Variants in GLI3 observed in about 807,000 individuals in gnomAD.
GLI3 encodes the protein GLI family zinc finger 3.
Under a neutral mutation model 100.8 loss-of-function variants are expected in GLI3, and 20 were observed. That is an observed-to-expected ratio of 0.20 (90% CI 0.14 to 0.29). The LOEUF is 0.29. Among genes scored for constraint, GLI3 ranks in the 10% least tolerant of loss-of-function variants. The pLI is 1.00. For missense variants in GLI3, 2,040 were observed against 2,128.5 expected, an observed-to-expected ratio of 0.96 and a Z score of 0.82; for synonymous variants, 938 against 860.5, an observed-to-expected ratio of 1.09 and a Z score of -1.58.
chr7:42,088,987 C>T (rs1360120398), intron 3 of GLI3, among the ~76,000 whole-genome samples: 1 of 152,188 alleles, frequency 6.6e-6, no homozygotes, highest in Non-Finnish European at 1.5e-5. Flanking sequence ...ATGTGATCTC[C>T]ATCTGAGTCC....
intron 4 of GLI3, among the ~76,000 whole-genome samples, chr7:42,053,298 A>AC (rs1186619859): frequency 1.3e-5 from 2 of 152,134 alleles, no homozygotes; most frequent in African/African-American, 4.8e-5. Flanking sequence ...CTCCCGGCCC[A>AC]ATTATTGTGT....
chr7:42,175,442 A>C (rs1787459795), intron 2 of GLI3, among the ~76,000 whole-genome samples: 3 of 152,012 alleles, frequency 2.0e-5, no homozygotes, highest in African/African-American at 7.2e-5. Flanking sequence ...ATATGGCAAA[A>C]CCCTGTCTCG....
At chr7:42,073,988 G>A (rs1488794136) in intron 4 of GLI3, among the ~76,000 whole-genome samples, 4 of 152,104 alleles carry the variant, frequency 2.6e-5, no homozygotes, top group Non-Finnish European at 4.4e-5. Flanking sequence ...CATTTGCCTC[G>A]ATTAGCCTCC....
intron 11 of GLI3, 162 bp from the exon 12 acceptor site, chr7:41,977,884 G>A: frequency 2.9e-6 from 2 of 700,770 alleles, no homozygotes; most frequent in East Asian, 2.7e-5. Context: ...TTGGGATTCA[G>A]ATGTAGCTTG....
intron 10 of GLI3, among the ~76,000 whole-genome samples, chr7:42,021,375 C>A (rs902826886): frequency 6.6e-6 from 1 of 152,088 alleles, no homozygotes; most frequent in African/African-American, 2.4e-5. Flanking sequence ...TTTTTAAAGA[C>A]CATTTCGATA....
chr7:42,210,984 T>G (rs570084616), intron 2 of GLI3, among the ~76,000 whole-genome samples: 6 of 152,370 alleles, frequency 3.9e-5, no homozygotes, highest in Admixed American at 3.3e-4. Context: ...CCAGTATGTA[T>G]GCTGATATGT....
intron 3 of GLI3, chr7:42,145,305 A>T (rs1786674630): frequency 2.9e-6 from 1 of 349,490 alleles, no homozygotes. Context: ...CAATATGAAT[A>T]AATAATACTA....
At chr7:42,229,599 T>C (rs1457116799) in intron 1 of GLI3, among the ~76,000 whole-genome samples, 10 of 152,220 alleles carry the variant, frequency 6.6e-5, no homozygotes. Flanking sequence ...ACCTACCCTG[T>C]AGCACTGAAG....
chr7:42,021,726 C>T (rs1229797523), intron 10 of GLI3, among the ~76,000 whole-genome samples: 1 of 152,224 alleles, frequency 6.6e-6, no homozygotes, highest in Non-Finnish European at 1.5e-5. Flanking sequence ...GACTTATCCT[C>T]CAAAACGGCA....
At chr7:42,068,890 T>C (rs575254839) in intron 4 of GLI3, among the ~76,000 whole-genome samples, 46 of 152,330 alleles carry the variant, frequency 3.0e-4, no homozygotes, top group African/African-American at 1.1e-3. Flanking sequence ...GGACAAATTC[T>C]GTTAAAGTTC....
rs1016155489 is a variant in GLI3, at chr7:41,962,718, T to C, written c.*1612A>G. 42 of 152,310 alleles carry C rather than the reference T, an allele frequency of 2.8e-4. No homozygotes were observed. The highest frequency in any genetic ancestry group is 9.9e-4 in the African/African-American group (41 of 41,552). 9.4% of individuals were successfully genotyped at this position (152,310 alleles called of 1,614,324 possible). ...TAACACTCTTTCTATTATCTAACAC[T>C]TTATTTTACTTGATTTTGTCTTTCT... On this transcript the variant is annotated 3_prime_UTR_variant, in exon 15 of 15. Transcript: ENST00000395925.
intron 3 of GLI3, among the ~76,000 whole-genome samples, chr7:42,086,996 A>G (rs1004233702): frequency 3.9e-5 from 6 of 152,196 alleles, no homozygotes; most frequent in African/African-American, 1.4e-4. Context: ...ACACACCCAC[A>G]GGTCAGAACT....
At chr7:42,164,569 G>A (rs1014263982) in intron 2 of GLI3, among the ~76,000 whole-genome samples, 1 of 151,848 alleles carries the variant, frequency 6.6e-6, no homozygotes, top group East Asian at 1.9e-4. Context: ...GGTGGCTCAC[G>A]CCTGTAATCC....
At chr7:42,148,569 AAAG>A in intron 2 of GLI3, 101 bp from the exon 3 acceptor site, 1 of 1,141,700 alleles carries the variant, frequency 8.8e-7, no homozygotes, top group East Asian at 2.3e-5. Flanking sequence ...CTCTCCCGGA[AAAG>A]AAGTATCTTT....
chr7:42,039,940 C>T, intron 7 of GLI3, 98 bp downstream of exon 7: 1 of 912,828 alleles, frequency 1.1e-6, no homozygotes, highest in South Asian at 1.3e-5. Context: ...TTTATTCTTC[C>T]TCATAGGCAG....
intron 3 of GLI3, among the ~76,000 whole-genome samples, chr7:42,126,858 C>A (rs190473090): frequency 6.6e-5 from 10 of 152,152 alleles, no homozygotes; most frequent in Non-Finnish European, 1.0e-4. Context: ...AGAAGAGGGT[C>A]AGCCTAAAGG....
intron 2 of GLI3, among the ~76,000 whole-genome samples, chr7:42,189,768 C>T (rs532528376): frequency 6.6e-6 from 1 of 152,274 alleles, no homozygotes; most frequent in South Asian, 2.1e-4. Flanking sequence ...GCAAGGATAG[C>T]AGGAGTCTCT....
intron 6 of GLI3, among the ~76,000 whole-genome samples, chr7:42,044,318 G>T (rs1455471011): frequency 6.6e-6 from 1 of 152,202 alleles, no homozygotes; most frequent in Non-Finnish European, 1.5e-5. Flanking sequence ...AGTGGCTTTT[G>T]CTGATGTATG....
chr7:42,035,020 AAACT>A (rs1249123031), intron 7 of GLI3, among the ~76,000 whole-genome samples: 1 of 152,170 alleles, frequency 6.6e-6, no homozygotes, highest in Admixed American at 6.5e-5. Context: ...ATACTATATA[AAACT>A]AACTACCACT....
Sources: gnomAD v4.1 joint callset for allele counts (sites outside exome capture counted in the v4.1 genomes callset) on GRCh38, gnomAD v4.1.1 for gene constraint, MANE v1.5 for transcripts, NCBI Gene and HGNC (gene_info 2026-07-23, HGNC 2026-07-21) for gene names.